Variants in HAUS3 observed in about 807,000 individuals in gnomAD.
HAUS3 encodes HAUS augmin like complex subunit 3.
A neutral mutation model predicts 55.2 loss-of-function variants in HAUS3; 36 were observed. The observed-to-expected ratio is 0.65, with a 90% CI of 0.50 to 0.86. The LOEUF (loss-of-function observed/expected upper bound fraction) is 0.86, where lower values mean the gene tolerates loss of function less well. Among genes scored for constraint, HAUS3 ranks in the 40% least tolerant of loss-of-function variants. HAUS3 has a pLI of 0.00. For missense variants in HAUS3, 752 were observed against 671.5 expected (o/e 1.12, Z -1.33); for synonymous variants, 234 against 238.6 (o/e 0.98, Z 0.18).
chr4:2,238,548 G>T, intron 4 of HAUS3, 56 bp downstream of exon 4: 1 of 1,203,694 alleles, frequency 8.3e-7, no homozygotes, highest in Non-Finnish European at 1.1e-6. Flanking sequence ...ACTCTCTCTA[G>T]TATTTCGCAA....
rs1457915742 is a variant in HAUS3 at position 2,231,247 on chromosome 4, T to C, written c.*680A>G. On this transcript the variant is annotated 3_prime_UTR_variant, in exon 6 of 6. Transcript: ENST00000443786. ...AGTCAAACATGAGGGGACTTGGCTA[T>C]TTCACATATTAAGGTCTACAGATTT... 6.6e-6 allele frequency: 1 copy of C among 152,242 alleles called. No homozygotes were observed. Among genetic ancestry groups the C allele is most frequent in the Non-Finnish European group, 1.5e-5 (1 of 68,056 alleles). 9.4% of individuals were successfully genotyped at this position (152,242 alleles called of 1,614,324 possible).
chr4:2,228,632 G>A lies in HAUS3; in HGVS notation c.*3295C>T, dbSNP rs757806793. 1.2e-5 allele frequency: 2 copies of A among 168,154 alleles called. No individual in the cohort carries two copies. The highest frequency in any genetic ancestry group is 6.2e-5 in the Admixed American group (1 of 16,096). 10.4% of individuals were successfully genotyped at this position (168,154 alleles called of 1,614,324 possible). A position where few individuals can be genotyped will look rare whatever the true frequency, so the allele number is the denominator to read the frequency against. ...ATTACAGGCGTGAGCCACCGCACCCGGCCCCACTGCTTTTACTATTATACC... is the reference window on the plus strand; with the variant it reads ...ATTACAGGCGTGAGCCACCGCACCCAGCCCCACTGCTTTTACTATTATACC... On this transcript the variant is annotated 3_prime_UTR_variant, in exon 6 of 6. Coordinates refer to ENST00000443786, the MANE Select transcript of HAUS3 (RefSeq NM_001303143.2).
chr4:2,240,065 C>G lies in HAUS3; in HGVS notation c.882G>C (p.Glu294Asp), dbSNP rs1734915004. ...SSMKSSIKWAEESLHSLTSKA... is the reference protein window; with the variant it reads ...SSMKSSIKWADESLHSLTSKA... ...TGCTGGTTAGGCTGTGAAGACTCTCCTCTGCCCATTTTATACTTGACTTCA... is the reference window on the plus strand; with the variant it reads ...TGCTGGTTAGGCTGTGAAGACTCTCGTCTGCCCATTTTATACTTGACTTCA... Residue 294 changes from glutamate to aspartate, a missense_variant, in exon 3 of 6, where the codon GAG (glutamate) becomes GAC (aspartate). By Grantham distance (45) the Glu-to-Asp change is conservative. Coordinates refer to ENST00000443786, the MANE Select transcript of HAUS3 (RefSeq NM_001303143.2). The G allele has an allele frequency of 6.2e-7, 1 of 1,613,690 alleles. No individual in the cohort carries two copies. Among genetic ancestry groups the G allele is most frequent in the South Asian group, 1.1e-5 (1 of 91,026 alleles).
chr4:2,236,049 T>C (rs988124779), intron 5 of HAUS3, among the ~76,000 whole-genome samples, 179 bp downstream of exon 5: 1 of 152,208 alleles, frequency 6.6e-6, no homozygotes, highest in African/African-American at 2.4e-5. Context: ...TGCACACTCA[T>C]CAAAACTATC....
At chr4:2,241,959 A>G (rs1735006192) in intron 1 of HAUS3, 92 bp downstream of exon 1, 1 of 984,422 alleles carries the variant, frequency 1.0e-6, no homozygotes, top group Non-Finnish European at 1.2e-6. Flanking sequence ...GGAGCGCAGG[A>G]AAAAAAAGAG....
At position 2,229,085 on chromosome 4, in the gene HAUS3, T is replaced by TA. The variant is rs1577789798; in HGVS notation, c.*2841dup. 3.2e-6 allele frequency: 5 copies of TA among 1,570,564 alleles called. No homozygotes were observed. Among genetic ancestry groups the TA allele is most frequent in the Non-Finnish European group, 4.3e-6 (5 of 1,155,862 alleles). ...AAGTATCAAGAGAAAGAAAGGTTCA[T>TA]AAAAATTACTTACTCTCTGTACTCT... is the stretch of plus-strand genomic sequence containing the variant. On this transcript the variant is annotated 3_prime_UTR_variant, in exon 6 of 6. Transcript: ENST00000443786.
chr4:2,230,609 T>C lies in HAUS3; in HGVS notation c.*1318A>G, dbSNP rs897770443. 6.6e-6 allele frequency: 1 copy of C among 151,924 alleles called. No homozygotes were observed. The highest frequency in any genetic ancestry group is 2.4e-5 in the African/African-American group (1 of 41,348). The allele number at this position is 151,924 out of a possible 1,614,324, so 9.4% of individuals were successfully genotyped here. A position where few individuals can be genotyped will look rare whatever the true frequency, so the allele number is the denominator to read the frequency against. On this transcript the variant is annotated 3_prime_UTR_variant, in exon 6 of 6. Coordinates refer to ENST00000443786, the MANE Select transcript of HAUS3 (RefSeq NM_001303143.2). The stretch of plus-strand genomic sequence containing the variant: ...TGGCAAAATATTTTTGTTCAATGGG[T>C]TTCAAAAATCAAGAAGGTTCATCTG...
intron 5 of HAUS3, among the ~76,000 whole-genome samples, chr4:2,235,034 C>T (rs1333264686): frequency 3.9e-5 from 6 of 152,214 alleles, no homozygotes; most frequent in African/African-American, 7.2e-5. Flanking sequence ...TACAGTCACC[C>T]GCCACCACGC....
chr4:2,242,012 C>T (rs565877966), intron 1 of HAUS3, 39 bp downstream of exon 1: 87 of 985,518 alleles, frequency 8.8e-5, no homozygotes, highest in Non-Finnish European at 1.0e-4. Flanking sequence ...CCTCCAGCCC[C>T]ACACCCCTGC....
chr4:2,232,307 A>C, intron 5 of HAUS3, 147 bp from the exon 6 acceptor site: 1 of 482,230 alleles, frequency 2.1e-6, no homozygotes, highest in East Asian at 3.6e-5. Flanking sequence ...TTTAAAATCC[A>C]TAACAGGTTT....
chr4:2,236,158 TTTTC>T (rs1734756075), intron 5 of HAUS3, 66 bp downstream of exon 5: 6 of 886,248 alleles, frequency 6.8e-6, no homozygotes, highest in South Asian at 6.5e-5. Flanking sequence ...CATGTTAACA[TTTTC>T]TTTAATATCT....
At position 2,228,753 on chromosome 4, in the gene HAUS3, C is replaced by G; in HGVS notation, c.*3174G>C. Reference sequence around the variant, plus strand: ...AATACACATATTGTCAAAAACATATCTCTTGTTCACCACACAAAATAGCAA... The same window carrying G: ...AATACACATATTGTCAAAAACATATGTCTTGTTCACCACACAAAATAGCAA... On this transcript the variant is annotated 3_prime_UTR_variant, in exon 6 of 6. Coordinates refer to ENST00000443786, the MANE Select transcript of HAUS3 (RefSeq NM_001303143.2). 1 of 204,046 alleles carries G rather than the reference C, an allele frequency of 4.9e-6. No homozygotes were observed. Among genetic ancestry groups the G allele is most frequent in the Non-Finnish European group, 9.9e-6 (1 of 101,056 alleles). The allele number at this position is 204,046 out of a possible 1,614,324, so 12.6% of individuals were successfully genotyped here. A position where few individuals can be genotyped will look rare whatever the true frequency, so the allele number is the denominator to read the frequency against.
In HAUS3 at chr4:2,231,109, G is replaced by A. The variant is rs948556204; in HGVS notation, c.*818C>T. 1.3e-5 allele frequency: 2 copies of A among 152,190 alleles called. No homozygotes were observed. Among genetic ancestry groups the A allele is most frequent in the Admixed American group, 1.3e-4 (2 of 15,278 alleles). 9.4% of individuals were successfully genotyped at this position (152,190 alleles called of 1,614,324 possible). The stretch of plus-strand genomic sequence containing the variant: ...TCAGACTCTAAAATGAATGCAGGCA[G>A]GCCAAGGAAGTCCTAATACTCTGTG... On this transcript the variant is annotated 3_prime_UTR_variant, in exon 6 of 6. Transcript: ENST00000443786.
rs752684150 is a variant in HAUS3, at chr4:2,236,456, C to T, written c.1350G>A (p.Arg450=). The change falls in exon 5 of 6, where the codon AGG becomes AGA. Residue 450 remains arginine, a splice_region_variant and synonymous_variant. Coordinates refer to ENST00000443786, the MANE Select transcript of HAUS3 (RefSeq NM_001303143.2). The part of the protein sequence containing the change: ...TIDTKDYSTH[R]LYQVLEGENK... ...TCTCTCCCTCCAAAACTTGGTAAAG[C>T]CTGAAATGTAAAAATTAAAATTATA... 2.5e-6 allele frequency: 4 copies of T among 1,592,654 alleles called. No individual in the cohort carries two copies. In the East Asian group the frequency reaches 6.7e-5, roughly 27 times the overall value.
intron 3 of HAUS3, among the ~76,000 whole-genome samples, chr4:2,239,680 C>T (rs1308462623): frequency 6.6e-6 from 1 of 152,136 alleles, no homozygotes; most frequent in African/African-American, 2.4e-5. Context: ...TTGGAGCAAA[C>T]GAGGCAGAAT....
At chr4:2,233,649 A>G (rs942416801) in intron 5 of HAUS3, among the ~76,000 whole-genome samples, 1 of 152,222 alleles carries the variant, frequency 6.6e-6, no homozygotes, top group Non-Finnish European at 1.5e-5. Context: ...AACCATTTAA[A>G]TTGACTTATT....
In HAUS3 at chr4:2,229,290, G is replaced by A; in HGVS notation, c.*2637C>T. 1 of 1,408,308 alleles carries A rather than the reference G, an allele frequency of 7.1e-7. No individual in the cohort carries two copies. The highest frequency in any genetic ancestry group is 9.6e-7 in the Non-Finnish European group (1 of 1,041,846). 87.2% of individuals were successfully genotyped at this position (1,408,308 alleles called of 1,614,324 possible). A position where few individuals can be genotyped will look rare whatever the true frequency, so the allele number is the denominator to read the frequency against. On this transcript the variant is annotated 3_prime_UTR_variant, in exon 6 of 6. Coordinates refer to ENST00000443786, the MANE Select transcript of HAUS3 (RefSeq NM_001303143.2). Reference sequence around the variant, plus strand: ...GATAAATCCCATATATTAATCCTAAGACTATAAAACAGGAAATACAATTAT... The same window carrying A: ...GATAAATCCCATATATTAATCCTAAAACTATAAAACAGGAAATACAATTAT...
In HAUS3 at chr4:2,240,740, C is replaced by T. The variant is rs1252557137; in HGVS notation, c.207G>A (p.Lys69=). ...EAFSILQKSG[K]PILEGAALDE... Reference sequence around the variant, plus strand: ...CCAATGCCGCCCCTTCTAGAATAGGCTTGCCTGATTTCTGAAGAATGCTAA... The same window carrying T: ...CCAATGCCGCCCCTTCTAGAATAGGTTTGCCTGATTTCTGAAGAATGCTAA... Residue 69 remains lysine, a synonymous_variant, in exon 3 of 6, where the codon AAG becomes AAA. Coordinates refer to ENST00000443786, the MANE Select transcript of HAUS3 (RefSeq NM_001303143.2). 6.2e-6 allele frequency: 10 copies of T among 1,613,882 alleles called. No individual in the cohort carries two copies. The South Asian group carries it at 1.1e-4, about 18-fold the overall frequency.
In HAUS3 at chr4:2,238,591, G is replaced by T; in HGVS notation, c.1349+13C>A. On this transcript the variant is annotated intron_variant, in intron 4 of 5. Coordinates refer to ENST00000443786, the MANE Select transcript of HAUS3 (RefSeq NM_001303143.2). The stretch of plus-strand genomic sequence containing the variant: ...AGGAAATATTTACTAAAGAAACAAT[G>T]AAGCATACGTACCTATGAGTAGAAT... 6.8e-7 allele frequency: 1 copy of T among 1,460,680 alleles called. No individual in the cohort carries two copies. Among genetic ancestry groups the T allele is most frequent in the Non-Finnish European group, 9.2e-7 (1 of 1,084,730 alleles). 90.5% of individuals were successfully genotyped at this position (1,460,680 alleles called of 1,614,324 possible).
Sources: allele counts gnomAD v4.1 joint callset (sites outside exome capture counted in the v4.1 genomes callset), GRCh38; gene constraint gnomAD v4.1.1; transcripts MANE v1.5; gene names NCBI Gene and HGNC (gene_info 2026-07-23, HGNC 2026-07-21).